PRKCA: variants seen among roughly 807,000 people sequenced by gnomAD.
PRKCA encodes protein kinase C alpha, also known as protein kinase C alpha type.
In PRKCA, 27 loss-of-function variants were observed where a neutral mutation model predicts 87.0. The observed-to-expected ratio is 0.31, with a 90% confidence interval of 0.23 to 0.43. The LOEUF (loss-of-function observed/expected upper bound fraction) is 0.43, where lower values mean the gene tolerates loss of function less well. Among genes scored for constraint, PRKCA ranks in the 20% least tolerant of loss-of-function variants. The pLI is 1.00. For synonymous variants in PRKCA, 329 were observed against 311.1 expected (o/e 1.06, Z -0.61); for missense variants, 518 against 852.3 (o/e 0.61, Z 4.88).
intron 2 of PRKCA, among the ~76,000 whole-genome samples, chr17:66,363,000 C>T (rs187900564): frequency 7.9e-5 from 12 of 152,220 alleles, no homozygotes; most frequent in East Asian, 1.9e-4. Flanking sequence ...GGCTGCCTTG[C>T]GGGCTTTTAG....
intron 3 of PRKCA, among the ~76,000 whole-genome samples, chr17:66,510,967 G>A (rs1917200907): frequency 1.3e-5 from 2 of 151,980 alleles, no homozygotes; most frequent in African/African-American, 2.4e-5. Context: ...GGCTGGTCTC[G>A]AACTCCGGTA....
intron 2 of PRKCA, among the ~76,000 whole-genome samples, chr17:66,477,153 C>T (rs1319871163): frequency 6.6e-5 from 10 of 152,062 alleles, no homozygotes; most frequent in South Asian, 2.1e-4. Flanking sequence ...TAAATGCCCA[C>T]GGATACAGCC....
chr17:66,685,568 C>T (rs923430467), intron 5 of PRKCA, among the ~76,000 whole-genome samples: 2 of 152,142 alleles, frequency 1.3e-5, no homozygotes, highest in Non-Finnish European at 2.9e-5. Flanking sequence ...TGTTACCTAC[C>T]TATGTAAGGC....
chr17:66,467,002 A>G (rs560394354), intron 2 of PRKCA, among the ~76,000 whole-genome samples: 2 of 152,346 alleles, frequency 1.3e-5, no homozygotes, highest in South Asian at 4.1e-4. Context: ...TGATGCTCAT[A>G]TTCAAACTGA....
At chr17:66,701,152 G>C (rs1242671984) in intron 8 of PRKCA, among the ~76,000 whole-genome samples, 1 of 152,026 alleles carries the variant, frequency 6.6e-6, no homozygotes, top group Non-Finnish European at 1.5e-5. Context: ...ACACATACGT[G>C]GTCAACTATC....
intron 3 of PRKCA, among the ~76,000 whole-genome samples, chr17:66,529,308 A>C (rs1967457837): frequency 6.6e-6 from 1 of 152,216 alleles, no homozygotes; most frequent in African/African-American, 2.4e-5. Context: ...GACGTGAATA[A>C]GACTAACCGC....
chr17:66,361,620 A>G lies in PRKCA; in HGVS notation c.205+55493A>G, dbSNP rs1296315487. On this transcript the variant is annotated intron_variant, in intron 2 of 16. Transcript: ENST00000413366. ...GCCACTGCGCCAGCCCATACATTGG[A>G]TTTTATTTTCCTCCAACAGCGTGGA... 3.9e-5 allele frequency among the ~76,000 whole-genome samples: 6 copies of G among 152,114 alleles called. No individual in the cohort carries two copies. In the East Asian group the frequency reaches 9.6e-4, roughly 24 times the overall value.
At chr17:66,717,956 C>T (rs1013189875) in intron 8 of PRKCA, among the ~76,000 whole-genome samples, 1 of 152,192 alleles carries the variant, frequency 6.6e-6, no homozygotes, top group Admixed American at 6.5e-5. Context: ...GGAGGAATCA[C>T]CCAGGCCCTT....
intron 3 of PRKCA, among the ~76,000 whole-genome samples, chr17:66,628,087 A>C (rs559041334): frequency 7.2e-4 from 110 of 152,150 alleles, no homozygotes; most frequent in Non-Finnish European, 1.4e-3. Context: ...AAGATGTAAA[A>C]CTGGTTACTG....
intron 16 of PRKCA, among the ~76,000 whole-genome samples, chr17:66,798,446 G>A (rs1320469401): frequency 1.3e-4 from 15 of 112,408 alleles, no homozygotes; most frequent in Admixed American, 2.7e-4. Context: ...GGTGGTGGTG[G>A]TGGTGACGGT....
intron 5 of PRKCA, among the ~76,000 whole-genome samples, chr17:66,668,500 C>A (rs907281766): frequency 6.6e-6 from 1 of 152,166 alleles, no homozygotes; most frequent in Non-Finnish European, 1.5e-5. Context: ...AAAACACACT[C>A]GTCATTGGAC....
chr17:66,633,205 T>A (rs1434931626), intron 3 of PRKCA, among the ~76,000 whole-genome samples: 2 of 152,104 alleles, frequency 1.3e-5, no homozygotes, highest in Non-Finnish European at 2.9e-5. Context: ...ATTACAGTGG[T>A]CCCCAAGTTA....
intron 2 of PRKCA, among the ~76,000 whole-genome samples, chr17:66,316,492 A>C: frequency 6.6e-6 from 1 of 152,158 alleles, no homozygotes; most frequent in East Asian, 1.9e-4. Context: ...AAACTTGAAA[A>C]CTTTCTTAAA....
At chr17:66,702,833 G>C (rs532574385) in intron 8 of PRKCA, among the ~76,000 whole-genome samples, 2 of 152,290 alleles carry the variant, frequency 1.3e-5, no homozygotes, top group South Asian at 4.1e-4. Context: ...AGGCTATAGG[G>C]TGTAACCTAT....
chr17:66,403,254 A>G (rs948528714), intron 2 of PRKCA, among the ~76,000 whole-genome samples: 4 of 152,228 alleles, frequency 2.6e-5, no homozygotes, highest in African/African-American at 9.6e-5. Flanking sequence ...AGAAGCTCCT[A>G]TTAGTCTCTG....
At chr17:66,761,103 G>A (rs1452608079) in intron 13 of PRKCA, among the ~76,000 whole-genome samples, 1 of 152,136 alleles carries the variant, frequency 6.6e-6, no homozygotes, top group Admixed American at 6.5e-5. Context: ...TGGGCGCAGT[G>A]GCTCACACCT....
At chr17:66,550,760 C>G (rs1295798731) in intron 3 of PRKCA, among the ~76,000 whole-genome samples, 2 of 152,120 alleles carry the variant, frequency 1.3e-5, no homozygotes, top group African/African-American at 4.8e-5. Flanking sequence ...CATTAAATGT[C>G]CGTTCATTCA....
rs555714627 is a variant in PRKCA, at chr17:66,576,092, C to T, written c.289-65263C>T. ...TTGTGCCACTGCACTCCAGCCTGGG[C>T]GACACACCCAGACTCCATCTCAAAC... On this transcript the variant is annotated intron_variant, in intron 3 of 16. Transcript: ENST00000413366. 1.8e-3 allele frequency among the ~76,000 whole-genome samples: 273 copies of T among 152,028 alleles called. 2 individuals are homozygous for T. The highest frequency in any genetic ancestry group is 6.2e-3 in the African/African-American group (258 of 41,486).
intron 2 of PRKCA, among the ~76,000 whole-genome samples, chr17:66,388,307 T>C (rs990410616): frequency 3.3e-5 from 5 of 152,090 alleles, no homozygotes; most frequent in Admixed American, 1.3e-4. Flanking sequence ...TTTTTTTTTT[T>C]CTTTGGGACG....
Sources: gnomAD v4.1 joint callset for allele counts (sites outside exome capture counted in the v4.1 genomes callset) on GRCh38, gnomAD v4.1.1 for gene constraint, MANE v1.5 for transcripts, NCBI Gene and HGNC (gene_info 2026-07-23, HGNC 2026-07-21) for gene names.